ATRNL1: variants seen among roughly 807,000 people sequenced by gnomAD.
ATRNL1 encodes the protein attractin-like protein 1.
ATRNL1 carries 95 observed loss-of-function variants against 182.7 expected under a neutral mutation model. That is an observed-to-expected ratio of 0.52 (90% CI 0.44 to 0.62). The LOEUF (loss-of-function observed/expected upper bound fraction) is 0.62, where lower values mean the gene tolerates loss of function less well. ATRNL1 is among the 20% of genes least tolerant of loss of function. The probability of loss-of-function intolerance (pLI) is 0.00; values close to 1 mark genes in which losing one functional copy is unlikely to be tolerated. For synonymous variants in ATRNL1, 576 were observed against 568.3 expected (o/e 1.01, Z -0.19); for missense variants, 1,471 against 1,679.5 (o/e 0.88, Z 2.17).
At chr10:115,626,990 T>C (rs1437832589) in intron 26 of ATRNL1, among the ~76,000 whole-genome samples, 2 of 152,186 alleles carry the variant, frequency 1.3e-5, no homozygotes, top group African/African-American at 4.8e-5. Context: ...ATGATAGAAA[T>C]ATAATTAGGC....
Position 115,618,279 on chromosome 10 carries a change from A to G in ATRNL1, c.3795+68743A>G, listed in dbSNP as rs374569054. Among the ~76,000 whole-genome samples, 5 of 152,310 alleles carry G rather than the reference A, an allele frequency of 3.3e-5. No homozygotes were observed. The East Asian group carries it at 9.6e-4, about 29-fold the overall frequency. ...CTCTTTGACTTTTGATATTTTAAATATAATATTCCTCAGAGAAGACCTTTT... is the reference window on the plus strand; with the variant it reads ...CTCTTTGACTTTTGATATTTTAAATGTAATATTCCTCAGAGAAGACCTTTT... On this transcript the variant is annotated intron_variant, in intron 26 of 28. Coordinates refer to ENST00000355044, the MANE Select transcript of ATRNL1 (RefSeq NM_207303.4).
At chr10:115,161,152 A>G (rs1010363312) in intron 6 of ATRNL1, among the ~76,000 whole-genome samples, 1 of 152,072 alleles carries the variant, frequency 6.6e-6, no homozygotes, top group African/African-American at 2.4e-5. Flanking sequence ...TTATCTGCCA[A>G]CCCTAACCAC....
At chr10:115,772,786 A>G (rs1555076772) in intron 27 of ATRNL1, among the ~76,000 whole-genome samples, 3 of 152,170 alleles carry the variant, frequency 2.0e-5, no homozygotes, top group African/African-American at 7.2e-5. Context: ...AGAGCACTCA[A>G]GGCCAAAGAG....
intron 27 of ATRNL1, among the ~76,000 whole-genome samples, chr10:115,818,937 C>T (rs1481676548): frequency 3.3e-5 from 5 of 152,096 alleles, no homozygotes; most frequent in African/African-American, 1.2e-4. Flanking sequence ...CCAAGAAAAC[C>T]TGCAATTACA....
intron 25 of ATRNL1, among the ~76,000 whole-genome samples, chr10:115,522,206 G>A (rs1395644630): frequency 1.3e-5 from 2 of 152,150 alleles, no homozygotes; most frequent in African/African-American, 4.8e-5. Context: ...CTAAGGCTGG[G>A]TAATTTATAA....
intron 24 of ATRNL1, among the ~76,000 whole-genome samples, chr10:115,476,959 G>A (rs1043088429): frequency 1.3e-4 from 19 of 150,892 alleles, no homozygotes; most frequent in African/African-American, 4.6e-4. Context: ...ATATTTTTTT[G>A]TATTTTTAGT....
intron 28 of ATRNL1, among the ~76,000 whole-genome samples, chr10:115,913,628 G>C (rs528391582): frequency 3.3e-5 from 5 of 152,214 alleles, no homozygotes; most frequent in Non-Finnish European, 5.9e-5. Context: ...CTAACTCATA[G>C]ATGGCTTTCA....
chr10:115,392,276 A>C (rs935654894), intron 19 of ATRNL1, among the ~76,000 whole-genome samples: 1 of 152,148 alleles, frequency 6.6e-6, no homozygotes. Flanking sequence ...CCCAAGCAAG[A>C]CATAGAGTAT....
At chr10:115,580,981 G>A (rs1469655784) in intron 26 of ATRNL1, among the ~76,000 whole-genome samples, 4 of 152,058 alleles carry the variant, frequency 2.6e-5, no homozygotes. Context: ...CCATATGACT[G>A]TTTCTTTGAA....
chr10:115,627,615 C>T (rs1555025041), intron 26 of ATRNL1, among the ~76,000 whole-genome samples: 1 of 152,120 alleles, frequency 6.6e-6, no homozygotes, highest in East Asian at 1.9e-4. Flanking sequence ...ATGCGCTCCC[C>T]TGAGCCTCCC....
chr10:115,690,661 G>C lies in ATRNL1; in HGVS notation c.3796-36587G>C, dbSNP rs565891326. 2.6e-5 allele frequency among the ~76,000 whole-genome samples: 4 copies of C among 152,248 alleles called. No individual in the cohort carries two copies. In the East Asian group the frequency reaches 7.8e-4, roughly 30 times the overall value. On this transcript the variant is annotated intron_variant, in intron 26 of 28. Transcript: ENST00000355044. ...GGTGGACACTGAGAGATGTCAGTTG[G>C]GGCTCATGGGATGTAGAGATATGGG...
intron 25 of ATRNL1, among the ~76,000 whole-genome samples, chr10:115,535,692 T>C (rs1209604211): frequency 6.6e-6 from 1 of 152,176 alleles, no homozygotes; most frequent in Non-Finnish European, 1.5e-5. Flanking sequence ...CTCTGGTTTT[T>C]AGAGTTTCCA....
intron 28 of ATRNL1, among the ~76,000 whole-genome samples, chr10:115,921,870 A>G (rs1953074341): frequency 6.6e-6 from 1 of 152,244 alleles, no homozygotes; most frequent in African/African-American, 2.4e-5. Flanking sequence ...TTGGAAAATA[A>G]AAACAGATTA....
chr10:115,250,528 C>T (rs1440906532), intron 10 of ATRNL1, among the ~76,000 whole-genome samples: 2 of 152,110 alleles, frequency 1.3e-5, no homozygotes, highest in African/African-American at 4.8e-5. Flanking sequence ...TATTTCCTAC[C>T]CTGGCTGGAA....
intron 24 of ATRNL1, among the ~76,000 whole-genome samples, chr10:115,497,814 T>C (rs756829409): frequency 4.3e-4 from 66 of 152,144 alleles, no homozygotes; most frequent in Non-Finnish European, 5.0e-4. Flanking sequence ...TGTGCCACCA[T>C]GTCCAGCTAA....
At chr10:115,715,997 G>T (rs1235518226) in intron 26 of ATRNL1, among the ~76,000 whole-genome samples, 2 of 152,166 alleles carry the variant, frequency 1.3e-5, no homozygotes, top group East Asian at 3.9e-4. Flanking sequence ...AAGTACATAA[G>T]AAAGCCGATT....
intron 19 of ATRNL1, among the ~76,000 whole-genome samples, chr10:115,373,369 A>AT: frequency 6.6e-6 from 1 of 152,018 alleles, no homozygotes; most frequent in South Asian, 2.1e-4. Context: ...CTCTTTTCTA[A>AT]TTTTTGTGGC....
chr10:115,328,357 A>G (rs915791783), intron 18 of ATRNL1, among the ~76,000 whole-genome samples: 3 of 152,148 alleles, frequency 2.0e-5, no homozygotes, highest in East Asian at 1.9e-4. Flanking sequence ...TAATACAGGT[A>G]TATGTTGTAT....
At chr10:115,364,064 T>G (rs1399652294) in intron 19 of ATRNL1, among the ~76,000 whole-genome samples, 2 of 150,522 alleles carry the variant, frequency 1.3e-5, no homozygotes, top group East Asian at 1.9e-4. Context: ...AGAAAGTCAT[T>G]GGTAGCTTGA....
Sources: gnomAD v4.1 joint callset for allele counts (sites outside exome capture counted in the v4.1 genomes callset) on GRCh38, gnomAD v4.1.1 for gene constraint, MANE v1.5 for transcripts, NCBI Gene and HGNC (gene_info 2026-07-23, HGNC 2026-07-21) for gene names.